LOXL2: variants seen among roughly 807,000 people sequenced by gnomAD.
The protein encoded by LOXL2 is lysyl oxidase homolog 2.
Under a neutral mutation model 93.0 loss-of-function variants are expected in LOXL2, and 70 were observed. The observed-to-expected ratio is 0.75, with a 90% confidence interval of 0.62 to 0.92. The LOEUF is 0.92. Among genes scored for constraint, LOXL2 ranks in the 40% least tolerant of loss-of-function variants. The pLI is 0.00. For synonymous variants in LOXL2, 438 were observed against 413.2 expected, an observed-to-expected ratio of 1.06 and a Z score of -0.73; for missense variants, 973 against 1,054.9, an observed-to-expected ratio of 0.92 and a Z score of 1.08.
chr8:23,297,856 G>A lies in LOXL2; in HGVS notation c.*187C>T, dbSNP rs770803689. ...CTTCTCAGGCCCCAAGGGTCAGGTA[G>A]CAGCCCCCCATGAATGATGGGAGGG... On this transcript the variant is annotated 3_prime_UTR_variant, in exon 14 of 14. Transcript: ENST00000389131. 2.9e-4 allele frequency: 162 copies of A among 565,182 alleles called. No homozygotes were observed. The highest frequency in any genetic ancestry group is 4.5e-4 in the Non-Finnish European group (142 of 317,610). The allele number at this position is 565,182 out of a possible 1,614,324, so 35.0% of individuals were successfully genotyped here. A position where few individuals can be genotyped will look rare whatever the true frequency, so the allele number is the denominator to read the frequency against.
chr8:23,328,845 G>A, intron 5 of LOXL2: 1 of 421,884 alleles, frequency 2.4e-6, no homozygotes, highest in Non-Finnish European at 4.3e-6. Flanking sequence ...TGGTCCCCTG[G>A]GGAGCCCATT....
chr8:23,319,252 C>A (rs1307260852), intron 8 of LOXL2, among the ~76,000 whole-genome samples: 2 of 132,832 alleles, frequency 1.5e-5, no homozygotes, highest in African/African-American at 5.6e-5. Context: ...GACCCAGAGC[C>A]TCCTATTTTG....
At chr8:23,399,927 C>A (rs569551155) in intron 1 of LOXL2, among the ~76,000 whole-genome samples, 2 of 152,180 alleles carry the variant, frequency 1.3e-5, no homozygotes, top group Non-Finnish European at 2.9e-5. Flanking sequence ...GAGTTCCTCC[C>A]GTTGGATGGA....
At chr8:23,309,579 A>G in intron 10 of LOXL2, 89 bp downstream of exon 10, 1 of 1,312,492 alleles carries the variant, frequency 7.6e-7, no homozygotes, top group Non-Finnish European at 9.8e-7. Flanking sequence ...TCTTGGCTCT[A>G]AGTGACCCTG....
chr8:23,400,036 G>A (rs1161282399), intron 1 of LOXL2, among the ~76,000 whole-genome samples: 2 of 152,220 alleles, frequency 1.3e-5, no homozygotes, highest in African/African-American at 4.8e-5. Flanking sequence ...GAACATCTAG[G>A]AGTCCTGTGC....
At chr8:23,349,299 C>T (rs4422779) in intron 3 of LOXL2, among the ~76,000 whole-genome samples, 46,322 of 152,112 alleles carry the variant, frequency 0.3, 9,235 homozygotes, top group African/African-American at 0.56. Context: ...TCAAGGGTCT[C>T]GCTCAGATCT....
chr8:23,315,979 G>A (rs1803395822), intron 9 of LOXL2, among the ~76,000 whole-genome samples: 1 of 152,218 alleles, frequency 6.6e-6, no homozygotes, highest in Non-Finnish European at 1.5e-5. Context: ...CGGGGAGCTG[G>A]TAAGATGGTG....
intron 5 of LOXL2, among the ~76,000 whole-genome samples, chr8:23,330,972 G>C (rs75784684): frequency 1.3e-5 from 2 of 152,250 alleles, no homozygotes; most frequent in South Asian, 4.2e-4. Context: ...AGTCACTCCT[G>C]ATAGTTCCCA....
chr8:23,339,150 T>A (rs1327458357), intron 4 of LOXL2, among the ~76,000 whole-genome samples: 1 of 152,044 alleles, frequency 6.6e-6, no homozygotes, highest in Non-Finnish European at 1.5e-5. Context: ...TAGGCCTAAC[T>A]GTCAACTGAG....
At chr8:23,400,190 C>G (rs1044650385) in intron 1 of LOXL2, among the ~76,000 whole-genome samples, 2 of 152,172 alleles carry the variant, frequency 1.3e-5, no homozygotes, top group African/African-American at 4.8e-5. Context: ...AAGCAGAAGG[C>G]TCTGGTGTTG....
At chr8:23,333,817 G>A (rs1028722712) in intron 4 of LOXL2, among the ~76,000 whole-genome samples, 194 bp from the exon 5 acceptor site, 1 of 152,198 alleles carries the variant, frequency 6.6e-6, no homozygotes, top group African/African-American at 2.4e-5. Context: ...CTAGGCACTG[G>A]GGGACAGGAC....
intron 1 of LOXL2, among the ~76,000 whole-genome samples, chr8:23,385,157 C>T (rs1459037707): frequency 6.6e-6 from 1 of 152,096 alleles, no homozygotes; most frequent in Non-Finnish European, 1.5e-5. Context: ...CGAACAGGAT[C>T]ACCTCTACTT....
rs748246154 is a variant in LOXL2 at position 23,317,062 on chromosome 8, C to A, written c.1523G>T (p.Gly508Val). 4 of 1,614,206 alleles carry A rather than the reference C, an allele frequency of 2.5e-6. No homozygotes were observed. The highest frequency in any genetic ancestry group is 3.4e-6 in the Non-Finnish European group (4 of 1,180,032). ...DVNSNKVVMSGVKCSGTELSL... is the reference protein window; with the variant it reads ...DVNSNKVVMSVVKCSGTELSL... ...CAGCTCCGTTCCCGAGCACTTCACT[C>A]CACTCATGACCACTTTGTTGCTGTT... Residue 508 changes from glycine (G) to valine (V), a missense_variant, in exon 9 of 14, where the codon GGA becomes GTA. Gly to Val is a moderately radical substitution (Grantham distance 109, BLOSUM62 -3). Transcript: ENST00000389131.
chr8:23,327,711 C>T (rs1252761797), intron 6 of LOXL2, among the ~76,000 whole-genome samples: 1 of 152,130 alleles, frequency 6.6e-6, no homozygotes, highest in Non-Finnish European at 1.5e-5. Flanking sequence ...AAATGGTGGT[C>T]GTGGGGCTTC....
rs1225801567 is a variant in LOXL2, at chr8:23,302,117, G to A, written c.2043C>T (p.Ile681=). ...GGTACATGTCCCAGCAGCCCATGGT[G>A]ATGCCCTGATCGCCGAAGTTGGCAC... ...YECANFGDQG[I]TMGCWDMYRH... The change falls in exon 12 of 14, where the codon ATC becomes ATT. Residue 681 remains isoleucine, a synonymous_variant. Transcript: ENST00000389131. 6.2e-7 allele frequency: 1 copy of A among 1,614,178 alleles called. No homozygotes were observed. Among genetic ancestry groups the A allele is most frequent in the African/African-American group, 1.3e-5 (1 of 75,046 alleles).
intron 2 of LOXL2, among the ~76,000 whole-genome samples, chr8:23,361,522 T>G (rs1304923685): frequency 2.0e-5 from 3 of 151,868 alleles, no homozygotes; most frequent in Non-Finnish European, 4.4e-5. Context: ...AAACACCACC[T>G]CACACCCTTA....
chr8:23,349,858 T>G (rs1585364111), intron 3 of LOXL2, among the ~76,000 whole-genome samples: 1 of 152,082 alleles, frequency 6.6e-6, no homozygotes, highest in East Asian at 1.9e-4. Flanking sequence ...CAGTAATGAT[T>G]TTTTCAAAAT....
intron 2 of LOXL2, chr8:23,366,079 GTT>G (rs1377372602): frequency 6.6e-6 from 1 of 152,208 alleles, no homozygotes; most frequent in Non-Finnish European, 1.5e-5. Flanking sequence ...GACAACAGGT[GTT>G]TTAAATTGAG....
chr8:23,349,154 C>A (rs1209911132), intron 3 of LOXL2, among the ~76,000 whole-genome samples: 1 of 152,156 alleles, frequency 6.6e-6, no homozygotes, highest in Non-Finnish European at 1.5e-5. Context: ...ACTCCCAATT[C>A]CCAGTCAGCT....
Sources: gnomAD v4.1 joint callset for allele counts (sites outside exome capture counted in the v4.1 genomes callset) on GRCh38, gnomAD v4.1.1 for gene constraint, MANE v1.5 for transcripts, NCBI Gene and HGNC (gene_info 2026-07-23, HGNC 2026-07-21) for gene names.